The following SFI1 variants were observed in gnomAD, a reference collection of about 807,000 sequenced individuals.
SFI1 encodes SFI1 centrin binding protein.
In SFI1, 195 loss-of-function variants were observed where a neutral mutation model predicts 207.5. The ratio of observed to expected loss-of-function variants is 0.94; its 90% CI spans 0.84 to 1.06. SFI1 has a LOEUF of 1.06. Among genes scored for constraint, SFI1 ranks in the 50% least tolerant of loss-of-function variants. The pLI, the probability that SFI1 is intolerant of heterozygous loss-of-function variation, is 0.00. For missense variants in SFI1, 1,634 were observed against 1,588.0 expected (o/e 1.03, Z -0.49); for synonymous variants, 630 against 598.9 (o/e 1.05, Z -0.76).
chr22:31,614,934 T>C (rs1456562255), intron 28 of SFI1, 74 bp downstream of exon 28: 1 of 1,581,796 alleles, frequency 6.3e-7, no homozygotes, highest in African/African-American at 1.3e-5. Context: ...GGCACCTCCA[T>C]GTGGGGCCTG....
At chr22:31,514,133 T>TC (rs1349258678) in intron 2 of SFI1, among the ~76,000 whole-genome samples, 2 of 118,852 alleles carry the variant, frequency 1.7e-5, no homozygotes, top group African/African-American at 3.2e-5. Context: ...GGAGTGAAAC[T>TC]CCATCTCAAA....
intron 7 of SFI1, chr22:31,559,809 A>G: frequency 4.2e-6 from 3 of 708,780 alleles, no homozygotes; most frequent in Non-Finnish European, 7.8e-6. Context: ...CTCCGTGCAG[A>G]TGTGGAGCGA....
At chr22:31,514,590 A>G (rs112136461) in intron 2 of SFI1, among the ~76,000 whole-genome samples, 3,553 of 151,380 alleles carry the variant, frequency 0.023, 127 homozygotes, top group African/African-American at 0.081. Context: ...CATCTTCCCA[A>G]TTCTCCCTAC....
intron 4 of SFI1, among the ~76,000 whole-genome samples, chr22:31,534,114 CATTTT>C (rs958471651): frequency 1.3e-5 from 2 of 152,040 alleles, no homozygotes; most frequent in African/African-American, 4.8e-5. Flanking sequence ...TTATTACTCT[CATTTT>C]ATTTTATTTT....
At chr22:31,608,164 AC>A in intron 22 of SFI1, 131 bp downstream of exon 22, 2 of 656,886 alleles carry the variant, frequency 3.0e-6, no homozygotes, top group Non-Finnish European at 5.3e-6. Context: ...ATGACAAAGT[AC>A]CACAGACTGG....
chr22:31,544,406 C>T (rs1297115540), intron 4 of SFI1, among the ~76,000 whole-genome samples: 2 of 150,026 alleles, frequency 1.3e-5, no homozygotes, highest in Admixed American at 1.4e-4. Flanking sequence ...GTAAATAAGA[C>T]ATTACTACTT....
intron 2 of SFI1, among the ~76,000 whole-genome samples, chr22:31,519,557 C>G (rs2056959949): frequency 6.6e-6 from 1 of 152,058 alleles, no homozygotes; most frequent in Non-Finnish European, 1.5e-5. Flanking sequence ...CTGCCTCAGC[C>G]CCCCGAGTAG....
intron 15 of SFI1, among the ~76,000 whole-genome samples, chr22:31,601,499 C>G (rs1403429375): frequency 6.6e-6 from 1 of 152,182 alleles, no homozygotes; most frequent in Non-Finnish European, 1.5e-5. Context: ...CAGACTTGCT[C>G]AGTCAGCCTT....
chr22:31,564,195 T>C (rs1208168256), intron 8 of SFI1, among the ~76,000 whole-genome samples: 1 of 150,836 alleles, frequency 6.6e-6, no homozygotes, highest in African/African-American at 2.4e-5. Context: ...GGCGTGGTGG[T>C]GGGTGCCTGT....
chr22:31,541,210 C>T (rs1315041368), intron 4 of SFI1, among the ~76,000 whole-genome samples: 1 of 152,062 alleles, frequency 6.6e-6, no homozygotes, highest in Non-Finnish European at 1.5e-5. Flanking sequence ...CTTCTTGTCT[C>T]CCTTCTCCCC....
chr22:31,604,408 G>T lies in SFI1; in HGVS notation c.1977+4G>T. The T allele has an allele frequency of 6.6e-7, 1 of 1,517,580 alleles. No individual in the cohort carries two copies. Among genetic ancestry groups the T allele is most frequent in the South Asian group, 1.2e-5 (1 of 80,676 alleles). 94.0% of individuals were successfully genotyped at this position (1,517,580 alleles called of 1,614,324 possible). Reference sequence around the variant, plus strand: ...CAGGGCGCTGCAGGCATGGGTGGTAGGAACTGCTGCTTCCCTCCTGATCTT... The same window carrying T: ...CAGGGCGCTGCAGGCATGGGTGGTATGAACTGCTGCTTCCCTCCTGATCTT... On this transcript the variant is annotated splice_donor_region_variant and intron_variant, in intron 19 of 32. Coordinates refer to ENST00000400288, the MANE Select transcript of SFI1 (RefSeq NM_001007467.3).
At chr22:31,547,056 G>A in intron 5 of SFI1, 85 bp downstream of exon 5, 1 of 1,022,540 alleles carries the variant, frequency 9.8e-7, no homozygotes, top group Admixed American at 2.4e-5. Context: ...GTCAAAAGAA[G>A]CAAACTTTGG....
intron 22 of SFI1, among the ~76,000 whole-genome samples, chr22:31,608,737 C>T (rs2069519177): frequency 6.6e-6 from 1 of 151,954 alleles, no homozygotes; most frequent in African/African-American, 2.4e-5. Flanking sequence ...CAGGGCAGCC[C>T]CCACCGTGTT....
chr22:31,575,062 GAA>G (rs367718706), intron 9 of SFI1, among the ~76,000 whole-genome samples, 167 bp from the exon 10 acceptor site: 5 of 110,234 alleles, frequency 4.5e-5, no homozygotes, highest in South Asian at 6.1e-4. Context: ...CCAACTCAAA[GAA>G]AAAAAAAAAA....
At chr22:31,579,812 T>C (rs1212531274) in intron 11 of SFI1, among the ~76,000 whole-genome samples, 2 of 152,176 alleles carry the variant, frequency 1.3e-5, no homozygotes, top group Non-Finnish European at 2.9e-5. Flanking sequence ...CAACCCTTCC[T>C]TTCACTAAAG....
chr22:31,606,409 C>T lies in SFI1; in HGVS notation c.2136C>T (p.Tyr712=), dbSNP rs1225354988. 2 of 1,613,676 alleles carry T rather than the reference C, an allele frequency of 1.2e-6. No individual in the cohort carries two copies. The highest frequency in any genetic ancestry group is 1.7e-6 in the Non-Finnish European group (2 of 1,180,006). ...AAACCTTTCAAGCAAGTACTCATTA[C>T]AGAAGGACCATATGTTCCAAGGTGA... ...AKKTFQASTH[Y]RRTICSKVLV... is the part of the protein sequence containing the mutation. The change falls in exon 21 of 33, where the codon TAC becomes TAT. Residue 712 remains tyrosine, a synonymous_variant. Transcript: ENST00000400288.
intron 5 of SFI1, among the ~76,000 whole-genome samples, chr22:31,548,894 A>C (rs2060358916): frequency 6.6e-6 from 1 of 152,060 alleles, no homozygotes. Flanking sequence ...CTTAAGATGT[A>C]TAGTGTATGT....
In SFI1 at chr22:31,615,095, C is replaced by A; in HGVS notation, c.3116C>A (p.Ala1039Asp). The change falls in exon 29 of 33, where the codon GCC becomes GAC. Residue 1039 changes from alanine to aspartate, a missense_variant. Transcript: ENST00000400288. ...GGCCTAGGCATGGCTCAGCCAGCAGCCCCCTCCCTGACGCGGCCCTTCCTG... is the reference window on the plus strand; with the variant it reads ...GGCCTAGGCATGGCTCAGCCAGCAGACCCCTCCCTGACGCGGCCCTTCCTG... ...EHGLGMAQPA[A>D]PSLTRPFLAE... is the part of the protein sequence containing the mutation. 1 of 1,606,450 alleles carries A rather than the reference C, an allele frequency of 6.2e-7. No individual in the cohort carries two copies. Among genetic ancestry groups the A allele is most frequent in the Non-Finnish European group, 8.5e-7 (1 of 1,176,612 alleles).
chr22:31,512,665 C>T (rs1295358745), intron 2 of SFI1, among the ~76,000 whole-genome samples: 1 of 150,760 alleles, frequency 6.6e-6, no homozygotes, highest in Non-Finnish European at 1.5e-5. Context: ...TTACAGGCAC[C>T]CGCCACCATA....
Sources: allele counts gnomAD v4.1 joint callset (sites outside exome capture counted in the v4.1 genomes callset), GRCh38; gene constraint gnomAD v4.1.1; transcripts MANE v1.5; gene names NCBI Gene and HGNC (gene_info 2026-07-23, HGNC 2026-07-21).